Variants in ATP2C1 observed in about 807,000 individuals in gnomAD.
The protein encoded by ATP2C1 is ATPase secretory pathway Ca2+ transporting 1, also known as calcium-transporting ATPase type 2C member 1.
In ATP2C1, 31 loss-of-function variants were observed where a neutral mutation model predicts 120.5. That is an observed-to-expected ratio of 0.26 (90% CI 0.19 to 0.35). The LOEUF is 0.35. Ranked by LOEUF, ATP2C1 falls within the 10% of genes least tolerant of loss-of-function variation. ATP2C1 has a pLI of 1.00. For synonymous variants in ATP2C1, 351 were observed against 358.7 expected (o/e 0.98, Z 0.24); for missense variants, 731 against 1,107.5 (o/e 0.66, Z 4.83).
rs74388614 is a variant in ATP2C1 at position 130,985,698 on chromosome 3, A to G, written c.1839+5019A>G. ...AATTAACAACAACAGCAAAAAACCT[A>G]AAAAGAAAATATGACATGGAAAAGC... is the stretch of plus-strand genomic sequence containing the variant. On this transcript the variant is annotated intron_variant, in intron 20 of 27. Transcript: ENST00000510168. 6.0e-3 allele frequency among the ~76,000 whole-genome samples: 903 copies of G among 150,810 alleles called. 7 individuals are homozygous for G. The highest frequency in any genetic ancestry group is 0.02 in the African/African-American group (832 of 41,156).
At chr3:131,005,753 T>C (rs2063083697), downstream of ATP2C1, among the ~76,000 whole-genome samples, 1 of 152,224 alleles carries the variant, frequency 6.6e-6, no homozygotes, top group Non-Finnish European at 1.5e-5. Flanking sequence ...AACTTTCCTT[T>C]AGCATAGTTA....
rs113304971 is a variant in ATP2C1 at position 130,888,168 on chromosome 3, G to A, written c.108+37240G>A. On this transcript the variant is annotated intron_variant, in intron 1 of 26. Transcript: ENST00000504381. ...AGCATGGGGGCCTCATGACTGCCCA[G>A]TGCCATATCCTACTGTGACTGAGCT... is the stretch of plus-strand genomic sequence containing the variant. Among the ~76,000 whole-genome samples the A allele has an allele frequency of 1.3e-3, 196 of 152,258 alleles. 3 individuals carry two copies. The South Asian group carries it at 0.025, about 20-fold the overall frequency.
chr3:131,006,236 C>T (rs149831012), downstream of ATP2C1, among the ~76,000 whole-genome samples: 1,873 of 152,182 alleles, frequency 0.012, 28 homozygotes, highest in African/African-American at 0.042. Context: ...CTCAGCCTCC[C>T]GAGTAGCTGG....
rs891640434 is a variant in ATP2C1 at position 130,996,628 on chromosome 3, A to C, written c.2127-52A>C. On this transcript the variant is annotated intron_variant, in intron 23 of 27. Transcript: ENST00000510168. ...AAATGCTAAAAAAGTGGTATCATAG[A>C]ATCAACAGATTTACTCTACTGATAT... 5.9e-6 allele frequency: 7 copies of C among 1,192,116 alleles called. No individual in the cohort carries two copies. The African/African-American group carries it at 1.1e-4, about 18-fold the overall frequency. The allele number at this position is 1,192,116 out of a possible 1,614,324, so 73.8% of individuals were successfully genotyped here. A position where few individuals can be genotyped will look rare whatever the true frequency, so the allele number is the denominator to read the frequency against.
In ATP2C1 at chr3:130,894,315, A is replaced by T. The variant is rs1041897255; in HGVS notation, c.-203A>T. The T allele has an allele frequency of 7.1e-6, 7 of 989,730 alleles. No homozygotes were observed. The African/African-American group carries it at 1.2e-4, about 17-fold the overall frequency. The allele number at this position is 989,730 out of a possible 1,614,324, so 61.3% of individuals were successfully genotyped here. A position where few individuals can be genotyped will look rare whatever the true frequency, so the allele number is the denominator to read the frequency against. On this transcript the variant is annotated 5_prime_UTR_variant, in exon 1 of 28. Transcript: ENST00000510168. The surrounding 1 kb of genome is among the most constrained non-coding windows in gnomAD (Gnocchi z 4.5). ...CCGCGGCTGAGACCCCGCAGCCTGG[A>T]GGAGGGCTGTCCGGGGCTTTGGGTG... is the stretch of plus-strand genomic sequence containing the variant.
intron 2 of ATP2C1, among the ~76,000 whole-genome samples, chr3:130,896,777 A>C (rs2069668719): frequency 6.6e-6 from 1 of 152,168 alleles, no homozygotes; most frequent in African/African-American, 2.4e-5. Context: ...TGGGATTGAT[A>C]ATCTTTAACT....
intron 12 of ATP2C1, 111 bp from the exon 13 acceptor site, chr3:130,963,860 A>AT (rs2060935171): frequency 7.7e-7 from 1 of 1,293,812 alleles, no homozygotes; most frequent in South Asian, 1.2e-5. Context: ...TTTTTTAGGT[A>AT]TTGACTATAT....
At chr3:131,014,796 A>G (rs1195431395) in intron 26 of ATP2C1, among the ~76,000 whole-genome samples, 1 of 152,212 alleles carries the variant, frequency 6.6e-6, no homozygotes, top group Non-Finnish European at 1.5e-5. Context: ...CTAAAAACCT[A>G]CTTCACAAAT....
At chr3:130,897,870 G>T (rs1032748600) in intron 2 of ATP2C1, among the ~76,000 whole-genome samples, 1 of 152,116 alleles carries the variant, frequency 6.6e-6, no homozygotes, top group African/African-American at 2.4e-5. Context: ...ATTCAGTCGT[G>T]AGTTAGGATT....
chr3:130,941,700 G>A lies in ATP2C1; in HGVS notation c.531+1G>A. 1 of 1,608,490 alleles carries A rather than the reference G, an allele frequency of 6.2e-7. No homozygotes were observed. The highest frequency in any genetic ancestry group is 8.5e-7 in the Non-Finnish European group (1 of 1,174,962). Reference sequence around the variant, plus strand: ...TCCTGCTGACTTACGCTTGTTTGAGGTAAATTTGGGATCTGATTGTAATAA... The same window carrying A: ...TCCTGCTGACTTACGCTTGTTTGAGATAAATTTGGGATCTGATTGTAATAA... On this transcript the variant is annotated splice_donor_variant, in intron 8 of 27. Coordinates refer to ENST00000510168, the MANE Select transcript of ATP2C1 (RefSeq NM_001378687.1). LOFTEE classifies it high-confidence loss of function.
chr3:130,970,127 G>C (rs1354386571), intron 17 of ATP2C1, among the ~76,000 whole-genome samples: 1 of 152,120 alleles, frequency 6.6e-6, no homozygotes, highest in Non-Finnish European at 1.5e-5. Context: ...AGACCAGCCT[G>C]ACCAATATGG....
intron 8 of ATP2C1, among the ~76,000 whole-genome samples, chr3:130,952,447 G>T (rs533880102): frequency 4.6e-5 from 7 of 152,218 alleles, no homozygotes; most frequent in African/African-American, 1.4e-4. Context: ...TTTATGCTCA[G>T]AAGTGAACCA....
chr3:130,906,671 T>C (rs1411672530), intron 2 of ATP2C1, among the ~76,000 whole-genome samples: 1 of 145,346 alleles, frequency 6.9e-6, no homozygotes, highest in Non-Finnish European at 1.5e-5. Context: ...TCCAACATTT[T>C]GCTGTTTTTT....
At chr3:130,856,407 G>A (rs1429373963) in intron 1 of ATP2C1, among the ~76,000 whole-genome samples, 1 of 152,150 alleles carries the variant, frequency 6.6e-6, no homozygotes, top group Non-Finnish European at 1.5e-5. Context: ...GCTAAATAAG[G>A]ATTTGAGGTT....
rs180837607 is a variant in ATP2C1, at chr3:131,013,368, T to G, written c.2630-2784T>G. ...ATGACTCATTAAATACTTTCACATC[T>G]CATTAATGGGTCAAAATCTGTAGTA... On this transcript the variant is annotated intron_variant, in intron 26 of 26. Coordinates refer to the ATP2C1 transcript ENST00000328560. Among the ~76,000 whole-genome samples the G allele has an allele frequency of 3.8e-4, 58 of 152,348 alleles. No individual in the cohort carries two copies. In the East Asian group the frequency reaches 0.011, roughly 28 times the overall value.
At chr3:130,955,171 G>A (rs2060526697) in intron 10 of ATP2C1, 91 bp downstream of exon 10, 1 of 900,654 alleles carries the variant, frequency 1.1e-6, no homozygotes, top group African/African-American at 1.7e-5. Flanking sequence ...ATATACTATT[G>A]AGAGCAATAT....
chr3:130,965,032 G>T lies in ATP2C1; in HGVS notation c.1109G>T (p.Gly370Val). 1 of 1,610,134 alleles carries T rather than the reference G, an allele frequency of 6.2e-7. No individual in the cohort carries two copies. The highest frequency in any genetic ancestry group is 8.5e-7 in the Non-Finnish European group (1 of 1,177,002). Residue 370 changes from glycine to valine, a missense_variant, in exon 14 of 28, where the codon GGT becomes GTT. Gly to Val is a moderately radical substitution (Grantham distance 109). Coordinates refer to ENST00000510168, the MANE Select transcript of ATP2C1 (RefSeq NM_001378687.1). ...MTVTHIFTSDGLHAEVTGVGY... is the reference protein window; with the variant it reads ...MTVTHIFTSDVLHAEVTGVGY... ...GTTACTCACATATTTACTTCAGATG[G>T]TCTGCATGCTGAGGTACTCTATAGG...
At chr3:130,996,589 A>G in intron 23 of ATP2C1, 91 bp from the exon 24 acceptor site, 1 of 870,756 alleles carries the variant, frequency 1.1e-6, no homozygotes, top group East Asian at 2.4e-5. Context: ...AAAGCATAGT[A>G]GTAAGAGATT....
At chr3:131,009,956 C>T (rs997329830) in intron 26 of ATP2C1, among the ~76,000 whole-genome samples, 53 of 151,922 alleles carry the variant, frequency 3.5e-4, no homozygotes, top group African/African-American at 1.2e-3. Context: ...ATGGAACTTC[C>T]TGGTCTTGGT....
Sources: gnomAD v4.1 joint callset for allele counts (sites outside exome capture counted in the v4.1 genomes callset) on GRCh38, gnomAD v4.1.1 for gene constraint, Gnocchi (gnomAD v3.1) non-coding constraint, MANE v1.5 for transcripts, NCBI Gene and HGNC (gene_info 2026-07-23, HGNC 2026-07-21) for gene names.